The following PIGN variants were observed in gnomAD, a reference collection of about 807,000 sequenced individuals.
PIGN encodes phosphatidylinositol glycan anchor biosynthesis class N.
Under a neutral mutation model 125.4 loss-of-function variants are expected in PIGN, and 117 were observed. The observed-to-expected ratio is 0.93, with a 90% confidence interval of 0.80 to 1.09. The LOEUF is 1.09. Among genes scored for constraint, PIGN ranks in the 50% least tolerant of loss-of-function variants. PIGN has a pLI of 0.00. For synonymous variants in PIGN, 392 were observed against 377.8 expected, an observed-to-expected ratio of 1.04 and a Z score of -0.44; for missense variants, 1,075 against 1,094.9, an observed-to-expected ratio of 0.98 and a Z score of 0.26.
At chr18:62,065,669 A>G (rs990479329) in intron 30 of PIGN, among the ~76,000 whole-genome samples, 22 of 151,894 alleles carry the variant, frequency 1.4e-4, no homozygotes, top group Non-Finnish European at 2.2e-4. Flanking sequence ...AACCCGGGAG[A>G]CAGAGCTTGT....
At chr18:62,066,440 A>T (rs768152460) in intron 30 of PIGN, among the ~76,000 whole-genome samples, 7 of 152,236 alleles carry the variant, frequency 4.6e-5, no homozygotes, top group Admixed American at 1.3e-4. Flanking sequence ...AAATCACATG[A>T]AATAATGTAG....
intron 30 of PIGN, among the ~76,000 whole-genome samples, chr18:62,055,652 G>T (rs2031658827): frequency 6.6e-6 from 1 of 152,010 alleles, no homozygotes; most frequent in Non-Finnish European, 1.5e-5. Flanking sequence ...GGGGAAATAA[G>T]GTAGAGGGTA....
chr18:62,106,021 A>G (rs1328314371), intron 19 of PIGN, among the ~76,000 whole-genome samples: 1 of 152,228 alleles, frequency 6.6e-6, no homozygotes. Context: ...TTAAACCTGC[A>G]TAAAGTGCTT....
chr18:62,028,469 C>A lies in PIGN; in HGVS notation c.2143-10728G>T, dbSNP rs916886105. ...AAAAATATTTTAGTTGAAAGAAATG[C>A]CATTATTTGGTATGGCAGTAGCTGG... On this transcript the variant is annotated intron_variant, in intron 23 of 24. Coordinates refer to the PIGN transcript ENST00000639600. Among the ~76,000 whole-genome samples, 5 of 152,250 alleles carry A rather than the reference C, an allele frequency of 3.3e-5. No homozygotes were observed. In the East Asian group the frequency reaches 9.6e-4, roughly 29 times the overall value.
chr18:62,137,694 C>T (rs1456465255), intron 14 of PIGN: 1 of 152,882 alleles, frequency 6.5e-6, no homozygotes, highest in Non-Finnish European at 1.5e-5. Context: ...GCCTCAGCCT[C>T]CCAAAGTGCT....
rs1433882317 is a variant in PIGN at position 62,042,530 on chromosome 18, C to T, written c.*3326G>A. On this transcript the variant is annotated 3_prime_UTR_variant, in exon 31 of 31. Coordinates refer to ENST00000640252, the MANE Select transcript of PIGN (RefSeq NM_176787.5). Reference sequence around the variant, plus strand: ...GAATAAGAGACACATCTCAAAGGTTCTTTTTGTTTCTTTATAGAATGAATA... The same window carrying T: ...GAATAAGAGACACATCTCAAAGGTTTTTTTTGTTTCTTTATAGAATGAATA... 1 of 152,020 alleles carries T rather than the reference C, an allele frequency of 6.6e-6. No individual in the cohort carries two copies. Among genetic ancestry groups the T allele is most frequent in the Non-Finnish European group, 1.5e-5 (1 of 67,992 alleles). The allele number at this position is 152,020 out of a possible 1,614,324, so 9.4% of individuals were successfully genotyped here.
chr18:62,082,036 A>C (rs1200338656), intron 28 of PIGN, among the ~76,000 whole-genome samples: 1 of 152,124 alleles, frequency 6.6e-6, no homozygotes, highest in Non-Finnish European at 1.5e-5. Flanking sequence ...ATTTATATCA[A>C]GTATTTTACA....
chr18:62,085,905 A>C (rs1489101241), intron 25 of PIGN, among the ~76,000 whole-genome samples: 1 of 152,240 alleles, frequency 6.6e-6, no homozygotes. Flanking sequence ...GATAAGCATT[A>C]GCTCTTTCAT....
chr18:62,139,640 T>C (rs2147157772), intron 12 of PIGN, among the ~76,000 whole-genome samples: 1 of 152,326 alleles, frequency 6.6e-6, no homozygotes, highest in Middle Eastern at 3.4e-3. Flanking sequence ...CAGGGCCCAT[T>C]CTTAACAGCA....
intron 30 of PIGN, among the ~76,000 whole-genome samples, chr18:62,055,661 T>C (rs1201754554): frequency 6.6e-6 from 1 of 152,074 alleles, no homozygotes; most frequent in African/African-American, 2.4e-5. Flanking sequence ...AGGTAGAGGG[T>C]ATAGGAGATC....
intron 30 of PIGN, among the ~76,000 whole-genome samples, chr18:62,068,349 G>A (rs1194494957): frequency 2.0e-5 from 3 of 152,090 alleles, no homozygotes; most frequent in East Asian, 1.9e-4. Flanking sequence ...ATACCTGTCT[G>A]TAGTTTCTCA....
At chr18:62,060,690 T>A (rs1031560804) in intron 30 of PIGN, among the ~76,000 whole-genome samples, 2 of 152,156 alleles carry the variant, frequency 1.3e-5, no homozygotes, top group Non-Finnish European at 2.9e-5. Context: ...TGAGAAACAA[T>A]TAAAGTCCAA....
At chr18:62,057,289 T>G (rs1327274932) in intron 30 of PIGN, among the ~76,000 whole-genome samples, 1 of 146,134 alleles carries the variant, frequency 6.8e-6, no homozygotes, top group African/African-American at 2.4e-5. Context: ...CACACCTTCC[T>G]TCACCAAACT....
At chr18:62,027,272 G>A (rs975381518) in intron 23 of PIGN, among the ~76,000 whole-genome samples, 2 of 152,116 alleles carry the variant, frequency 1.3e-5, no homozygotes, top group Non-Finnish European at 2.9e-5. Flanking sequence ...GACCAACCTG[G>A]GCAACATAGT....
intron 11 of PIGN, among the ~76,000 whole-genome samples, chr18:62,141,826 A>C (rs941075283): frequency 2.0e-5 from 3 of 152,174 alleles, no homozygotes; most frequent in African/African-American, 7.2e-5. Flanking sequence ...CTTCTGCCTC[A>C]CACCACCCCA....
chr18:62,138,998 A>G lies in PIGN; in HGVS notation c.1101T>C (p.Ile367=). The G allele has an allele frequency of 6.2e-7, 1 of 1,605,638 alleles. No individual in the cohort carries two copies. Among genetic ancestry groups the G allele is most frequent in the Non-Finnish European group, 8.5e-7 (1 of 1,174,154 alleles). The change falls in exon 13 of 31, where the codon ATT becomes ATC. Residue 367 remains isoleucine, a synonymous_variant. Transcript: ENST00000640252. ...TTTTTTTTACCTTGAACTGTTCAAG[A>G]ATCTGTACTGCATTTGTAAACATGC... ...AESMFTNAVQ[I]LEQFKVKMTQ... is the part of the protein sequence containing the mutation.
chr18:62,082,852 A>G (rs2033514472), intron 27 of PIGN, 106 bp from the exon 28 acceptor site: 7 of 657,958 alleles, frequency 1.1e-5, no homozygotes. Context: ...TTCTCAAGTA[A>G]CTTTTATATA....
At chr18:62,081,642 CTT>C (rs2145894445) in intron 28 of PIGN, among the ~76,000 whole-genome samples, 1 of 152,216 alleles carries the variant, frequency 6.6e-6, no homozygotes, top group Admixed American at 6.5e-5. Context: ...GTCCCCAGCT[CTT>C]CTTATTTAAA....
intron 23 of PIGN, among the ~76,000 whole-genome samples, chr18:62,035,654 C>A (rs928959605): frequency 7.9e-5 from 12 of 152,086 alleles, no homozygotes; most frequent in African/African-American, 2.9e-4. Flanking sequence ...TTAGGTATAT[C>A]TCCTAATGCT....
Sources: allele counts gnomAD v4.1 joint callset (sites outside exome capture counted in the v4.1 genomes callset), GRCh38; gene constraint gnomAD v4.1.1; transcripts MANE v1.5; gene names NCBI Gene and HGNC (gene_info 2026-07-23, HGNC 2026-07-21).